The following GPC6 variants were observed in gnomAD, a reference collection of about 807,000 sequenced individuals.
The protein encoded by GPC6 is glypican-6.
In GPC6, 14 loss-of-function variants were observed where a neutral mutation model predicts 55.2. The ratio of observed to expected loss-of-function variants is 0.25; its 90% CI spans 0.17 to 0.40. The LOEUF is 0.40. Among genes scored for constraint, GPC6 ranks in the 10% least tolerant of loss-of-function variants. The probability of loss-of-function intolerance (pLI) is 1.00; values close to 1 mark genes in which losing one functional copy is unlikely to be tolerated. For synonymous variants in GPC6, 278 were observed against 259.6 expected (o/e 1.07, Z -0.68); for missense variants, 641 against 708.5 (o/e 0.90, Z 1.08).
intron 3 of GPC6, among the ~76,000 whole-genome samples, chr13:93,880,835 C>T (rs902739940): frequency 9.4e-5 from 14 of 148,578 alleles, no homozygotes; most frequent in Non-Finnish European, 2.1e-4. Flanking sequence ...AGTGATTACC[C>T]AATTTAAAAA....
intron 1 of GPC6, among the ~76,000 whole-genome samples, chr13:93,393,376 G>C (rs1295861630): frequency 6.6e-6 from 1 of 151,922 alleles, no homozygotes; most frequent in Admixed American, 6.6e-5. Context: ...CTGATCTCGT[G>C]ATCGTGATCT....
intron 4 of GPC6, among the ~76,000 whole-genome samples, chr13:94,213,591 C>G (rs908778625): frequency 2.0e-5 from 3 of 152,102 alleles, no homozygotes; most frequent in Non-Finnish European, 2.9e-5. Flanking sequence ...GGCCACCGGT[C>G]TAGGATGGTC....
intron 4 of GPC6, among the ~76,000 whole-genome samples, chr13:94,189,475 A>T (rs112344592): frequency 9.7e-4 from 148 of 152,280 alleles, no homozygotes; most frequent in African/African-American, 3.3e-3. Context: ...ACTGGACATC[A>T]TAAAGATTGC....
At chr13:94,213,051 G>A (rs932143952) in intron 4 of GPC6, among the ~76,000 whole-genome samples, 4 of 152,164 alleles carry the variant, frequency 2.6e-5, no homozygotes, top group African/African-American at 9.6e-5. Context: ...AGCTACCTGG[G>A]AGGCTGAGGC....
chr13:93,717,531 A>G (rs768697887), intron 2 of GPC6, among the ~76,000 whole-genome samples: 13 of 151,722 alleles, frequency 8.6e-5, no homozygotes, highest in Non-Finnish European at 1.9e-4. Flanking sequence ...TCTATTAAAT[A>G]TATGCCTAAT....
At chr13:93,238,991 CTA>C (rs2139012558) in intron 1 of GPC6, among the ~76,000 whole-genome samples, 1 of 152,062 alleles carries the variant, frequency 6.6e-6, no homozygotes, top group South Asian at 2.1e-4. Context: ...ATTTGGTTTG[CTA>C]TGTTTTGTTG....
intron 2 of GPC6, among the ~76,000 whole-genome samples, chr13:93,799,603 G>T (rs951960059): frequency 6.6e-6 from 1 of 152,164 alleles, no homozygotes; most frequent in African/African-American, 2.4e-5. Flanking sequence ...ATAGTAGAAG[G>T]CACATCGGAT....
intron 3 of GPC6, among the ~76,000 whole-genome samples, chr13:93,914,755 C>G (rs879625916): frequency 1.3e-5 from 2 of 152,056 alleles, no homozygotes; most frequent in Admixed American, 1.3e-4. Context: ...TGAGTAAACA[C>G]CCAATGCTGG....
intron 3 of GPC6, among the ~76,000 whole-genome samples, chr13:93,952,685 T>C (rs1403749042): frequency 6.6e-6 from 1 of 151,312 alleles, no homozygotes. Flanking sequence ...ATAAATAGTA[T>C]ATATAGTATG....
chr13:93,947,301 G>T (rs1213226316), intron 3 of GPC6, among the ~76,000 whole-genome samples: 1 of 151,962 alleles, frequency 6.6e-6, no homozygotes, highest in African/African-American at 2.4e-5. Flanking sequence ...TGAAAGTGTT[G>T]GTCCCTAACT....
chr13:94,142,047 T>C (rs1023363810), intron 4 of GPC6, among the ~76,000 whole-genome samples: 4 of 152,082 alleles, frequency 2.6e-5, no homozygotes, highest in African/African-American at 9.7e-5. Flanking sequence ...TTATTGAATA[T>C]CCTATTGCCT....
At chr13:93,676,626 ACACT>A (rs1881644450) in intron 2 of GPC6, among the ~76,000 whole-genome samples, 1 of 152,094 alleles carries the variant, frequency 6.6e-6, no homozygotes, top group Non-Finnish European at 1.5e-5. Context: ...TCATAAACTG[ACACT>A]CAATGTTGTC....
At chr13:94,217,900 GA>G (rs60759360) in intron 4 of GPC6, among the ~76,000 whole-genome samples, 12,309 of 152,188 alleles carry the variant, frequency 0.081, 603 homozygotes, top group East Asian at 0.19. Context: ...AGGTGTTGTG[GA>G]GAGTAAAAGA....
At chr13:94,194,783 C>A (rs1889512539) in intron 4 of GPC6, among the ~76,000 whole-genome samples, 1 of 152,054 alleles carries the variant, frequency 6.6e-6, no homozygotes, top group Non-Finnish European at 1.5e-5. Flanking sequence ...AAAAAGAATA[C>A]TTTAACTGAA....
At chr13:93,842,860 G>A (rs771801514) in intron 3 of GPC6, among the ~76,000 whole-genome samples, 24 of 151,956 alleles carry the variant, frequency 1.6e-4, no homozygotes, top group Admixed American at 4.6e-4. Flanking sequence ...AAATCAATAT[G>A]TGTGTTCATC....
intron 1 of GPC6, among the ~76,000 whole-genome samples, chr13:93,541,365 T>C (rs1411765254): frequency 1.5e-5 from 2 of 132,994 alleles, no homozygotes; most frequent in African/African-American, 5.6e-5. Flanking sequence ...CTCATCATTT[T>C]TTATGGCTGC....
intron 2 of GPC6, among the ~76,000 whole-genome samples, chr13:93,624,570 A>G (rs1355692763): frequency 6.6e-6 from 1 of 152,242 alleles, no homozygotes; most frequent in Admixed American, 6.5e-5. Context: ...TGCAAATGTA[A>G]TCTTTTAGAA....
At chr13:94,355,040 T>G (rs76824388) in intron 6 of GPC6, among the ~76,000 whole-genome samples, 2 of 141,658 alleles carry the variant, frequency 1.4e-5, no homozygotes, top group African/African-American at 2.6e-5. Context: ...TTTTTTTTTT[T>G]GAGACAGAGT....
intron 4 of GPC6, among the ~76,000 whole-genome samples, chr13:94,229,217 C>T (rs973410182): frequency 6.6e-6 from 1 of 152,068 alleles, no homozygotes; most frequent in African/African-American, 2.4e-5. Context: ...ATTAACTTTT[C>T]CTAATTGTTT....
Sources: gnomAD v4.1 joint callset for allele counts (sites outside exome capture counted in the v4.1 genomes callset) on GRCh38, gnomAD v4.1.1 for gene constraint, MANE v1.5 for transcripts, NCBI Gene and HGNC (gene_info 2026-07-23, HGNC 2026-07-21) for gene names.